Variants in CCSER1 observed in about 807,000 individuals in gnomAD.
CCSER1 encodes serine-rich coiled-coil domain-containing protein 1.
Under a neutral mutation model 82.0 loss-of-function variants are expected in CCSER1, and 41 were observed. That is an observed-to-expected ratio of 0.50 (90% CI 0.39 to 0.65). The LOEUF (loss-of-function observed/expected upper bound fraction) is 0.65, where lower values mean the gene tolerates loss of function less well. CCSER1 is among the 30% of genes least tolerant of loss of function. The pLI is 0.00. For missense variants in CCSER1, 1,119 were observed against 1,064.2 expected, an observed-to-expected ratio of 1.05 and a Z score of -0.72; for synonymous variants, 414 against 383.9, an observed-to-expected ratio of 1.08 and a Z score of -0.92.
chr4:90,857,840 A>T (rs1421777482), intron 8 of CCSER1, among the ~76,000 whole-genome samples: 1 of 152,074 alleles, frequency 6.6e-6, no homozygotes, highest in Non-Finnish European at 1.5e-5. Flanking sequence ...AGTTAATAAT[A>T]GTGTATTGTA....
intron 10 of CCSER1, among the ~76,000 whole-genome samples, chr4:91,162,917 G>A (rs147601530): frequency 0.04 from 6,034 of 151,918 alleles, 366 homozygotes; most frequent in African/African-American, 0.14. Context: ...AGGGTTTTTT[G>A]TGTCTCTATC....
chr4:90,239,954 A>C (rs1560858664), intron 1 of CCSER1, among the ~76,000 whole-genome samples: 1 of 152,206 alleles, frequency 6.6e-6, no homozygotes, highest in Non-Finnish European at 1.5e-5. Flanking sequence ...TTATTAAAGT[A>C]TGACAAAAGA....
intron 7 of CCSER1, among the ~76,000 whole-genome samples, chr4:90,787,630 A>G (rs1754695826): frequency 6.6e-6 from 1 of 152,190 alleles, no homozygotes; most frequent in Non-Finnish European, 1.5e-5. Flanking sequence ...GTAGCAGGGT[A>G]TTTATTCAAA....
intron 10 of CCSER1, among the ~76,000 whole-genome samples, chr4:91,538,698 C>CATATGTATATATATATATATAT (rs1761425800): frequency 7.2e-6 from 1 of 138,340 alleles, no homozygotes; most frequent in African/African-American, 2.8e-5. Flanking sequence ...TATATATACA[C>CATATGTATATATATATATATAT]ATATATATAT....
intron 10 of CCSER1, among the ~76,000 whole-genome samples, chr4:91,296,483 A>ATATATATGTTTATT (rs1175690764): frequency 8.1e-6 from 1 of 124,068 alleles, no homozygotes; most frequent in African/African-American, 3.4e-5. Flanking sequence ...ATATATATAT[A>ATATATATGTTTATT]TATTTTAATT....
chr4:91,578,634 G>T (rs1763571061), intron 10 of CCSER1, among the ~76,000 whole-genome samples: 1 of 151,926 alleles, frequency 6.6e-6, no homozygotes, highest in Non-Finnish European at 1.5e-5. Flanking sequence ...GTGAATGATA[G>T]AATAGCTTTT....
intron 7 of CCSER1, among the ~76,000 whole-genome samples, chr4:90,815,526 ATGTG>A (rs113631267): frequency 0.05 from 7,592 of 150,682 alleles, 601 homozygotes; most frequent in African/African-American, 0.17. Flanking sequence ...GTGTGTGTGG[ATGTG>A]TGTGTGTGTG....
At chr4:90,779,866 G>A (rs866980973) in intron 7 of CCSER1, among the ~76,000 whole-genome samples, 22 of 152,282 alleles carry the variant, frequency 1.4e-4, no homozygotes, top group Middle Eastern at 3.4e-3. Context: ...ATCTGTATTT[G>A]CCTTCCAACA....
chr4:91,510,860 A>C (rs561538906), intron 10 of CCSER1, among the ~76,000 whole-genome samples: 1 of 152,282 alleles, frequency 6.6e-6, no homozygotes, highest in Admixed American at 6.5e-5. Flanking sequence ...TAAATGCTTT[A>C]GAACAATTGC....
intron 4 of CCSER1, among the ~76,000 whole-genome samples, chr4:90,452,994 A>C (rs1761678786): frequency 6.6e-6 from 1 of 152,186 alleles, no homozygotes; most frequent in Non-Finnish European, 1.5e-5. Context: ...CCTCCCTAAG[A>C]GATTTCATCA....
chr4:91,502,303 A>T (rs906121407), intron 10 of CCSER1, among the ~76,000 whole-genome samples: 6 of 152,226 alleles, frequency 3.9e-5, no homozygotes, highest in Admixed American at 2.6e-4. Context: ...CCTTTGTTTT[A>T]TCAGGAAGAA....
At chr4:90,408,029 A>G (rs143499838) in intron 4 of CCSER1, among the ~76,000 whole-genome samples, 1,543 of 152,266 alleles carry the variant, frequency 0.01, 17 homozygotes, top group South Asian at 0.03. Flanking sequence ...ACGGAGCCTC[A>G]CTCATTGCTA....
At chr4:91,415,330 C>A (rs78105906) in intron 10 of CCSER1, among the ~76,000 whole-genome samples, 1 of 152,190 alleles carries the variant, frequency 6.6e-6, no homozygotes, top group South Asian at 2.1e-4. Flanking sequence ...ATGGGGTTTT[C>A]TAGACATGGA....
At chr4:90,524,249 A>C (rs965733575) in intron 5 of CCSER1, among the ~76,000 whole-genome samples, 4 of 152,198 alleles carry the variant, frequency 2.6e-5, no homozygotes, top group African/African-American at 9.7e-5. Context: ...CGGGAACAAC[A>C]TATTCTTACA....
chr4:91,347,008 TTTTG>T (rs1046115070), intron 10 of CCSER1, among the ~76,000 whole-genome samples: 4 of 152,098 alleles, frequency 2.6e-5, no homozygotes, highest in African/African-American at 4.8e-5. Flanking sequence ...ATGAGTTTTT[TTTTG>T]TTTGTTTGTT....
In CCSER1 at chr4:91,225,536, T is replaced by C. The variant is rs184982388; in HGVS notation, c.2217+139542T>C. ...AAAGGACAGGTAATATATTCCTGGA[T>C]GTGAAAAGAGTAAACAGATTATTCA... On this transcript the variant is annotated intron_variant, in intron 10 of 10. Coordinates refer to ENST00000509176, the MANE Select transcript of CCSER1 (RefSeq NM_001145065.2). Among the ~76,000 whole-genome samples the C allele has an allele frequency of 2.8e-4, 42 of 151,088 alleles. 1 individual carries two copies. The East Asian group carries it at 7.0e-3, about 25-fold the overall frequency.
At chr4:91,341,262 C>T (rs1250305214) in intron 10 of CCSER1, among the ~76,000 whole-genome samples, 1 of 151,832 alleles carries the variant, frequency 6.6e-6, no homozygotes, top group African/African-American at 2.4e-5. Context: ...AAAAGGGCAC[C>T]ATAGAGAATG....
intron 5 of CCSER1, among the ~76,000 whole-genome samples, chr4:90,571,881 G>C (rs1780158063): frequency 6.6e-6 from 1 of 151,866 alleles, no homozygotes; most frequent in Admixed American, 6.6e-5. Context: ...ATGGTTTTGT[G>C]TTTTATATCT....
chr4:90,277,725 A>T (rs1047207661), intron 1 of CCSER1, among the ~76,000 whole-genome samples: 1 of 152,178 alleles, frequency 6.6e-6, no homozygotes, highest in Middle Eastern at 3.4e-3. Context: ...ATAAAAAAAA[A>T]TCCTAGAAGA....
Sources: allele counts gnomAD v4.1 joint callset (sites outside exome capture counted in the v4.1 genomes callset), GRCh38; gene constraint gnomAD v4.1.1; transcripts MANE v1.5; gene names NCBI Gene and HGNC (gene_info 2026-07-23, HGNC 2026-07-21).